Variants in GALNTL6 observed in about 807,000 individuals in gnomAD.
GALNTL6 encodes the protein polypeptide N-acetylgalactosaminyltransferase like 6.
A neutral mutation model predicts 73.7 loss-of-function variants in GALNTL6; 46 were observed. The observed-to-expected ratio is 0.62, with a 90% CI of 0.49 to 0.80. The LOEUF (loss-of-function observed/expected upper bound fraction) is 0.80. Among genes scored for constraint, GALNTL6 ranks in the 30% least tolerant of loss-of-function variants. The pLI is 0.00. For synonymous variants in GALNTL6, 259 were observed against 263.7 expected (o/e 0.98, Z 0.17); for missense variants, 604 against 755.0 (o/e 0.80, Z 2.34).
At chr4:172,204,240 T>C (rs1267372604) in intron 2 of GALNTL6, among the ~76,000 whole-genome samples, 2 of 152,214 alleles carry the variant, frequency 1.3e-5, no homozygotes, top group Admixed American at 1.3e-4. Context: ...CCAAAATACA[T>C]TTATATATGA....
At chr4:172,375,420 G>T (rs1369081697) in intron 5 of GALNTL6, among the ~76,000 whole-genome samples, 1 of 152,154 alleles carries the variant, frequency 6.6e-6, no homozygotes, top group Admixed American at 6.5e-5. Context: ...AATAGCTTTG[G>T]ATGCATTTCA....
At chr4:172,157,504 T>TTTC (rs1220234910) in intron 2 of GALNTL6, among the ~76,000 whole-genome samples, 3 of 152,162 alleles carry the variant, frequency 2.0e-5, no homozygotes, top group African/African-American at 7.2e-5. Flanking sequence ...TGTCATGGTG[T>TTTC]GCTGAAGAGT....
intron 2 of GALNTL6, among the ~76,000 whole-genome samples, chr4:171,936,355 T>C (rs1355479569): frequency 6.6e-6 from 1 of 151,254 alleles, no homozygotes; most frequent in African/African-American, 2.4e-5. Context: ...CTAGAAGCTA[T>C]TTTTTTTTCT....
chr4:171,824,526 G>A (rs1196689058), intron 2 of GALNTL6, among the ~76,000 whole-genome samples: 3 of 152,034 alleles, frequency 2.0e-5, no homozygotes, highest in Non-Finnish European at 4.4e-5. Flanking sequence ...GATTGAACAT[G>A]ATAAGCAATT....
At chr4:172,071,771 G>T (rs1210768484) in intron 2 of GALNTL6, among the ~76,000 whole-genome samples, 1 of 41,268 alleles carries the variant, frequency 2.4e-5, no homozygotes, top group Non-Finnish European at 5.9e-5. Context: ...CGGAAGAGTG[G>T]GAAAGCTTTA....
Position 172,802,640 on chromosome 4 carries a change from A to G in GALNTL6, c.554-6721A>G, listed in dbSNP as rs1740713365. On this transcript the variant is annotated intron_variant, in intron 5 of 12. Transcript: ENST00000506823. Reference sequence around the variant, plus strand: ...TTGAAACCCCATCTCTACTAAAAATAAAATAAAATAAAATTAGCCAGGCAT... The same window carrying G: ...TTGAAACCCCATCTCTACTAAAAATGAAATAAAATAAAATTAGCCAGGCAT... Among the ~76,000 whole-genome samples the G allele has an allele frequency of 2.0e-5, 3 of 152,232 alleles. No individual in the cohort carries two copies. In the South Asian group the frequency reaches 6.2e-4, roughly 32 times the overall value.
At chr4:171,955,089 A>G (rs1415189144) in intron 2 of GALNTL6, among the ~76,000 whole-genome samples, 1 of 152,176 alleles carries the variant, frequency 6.6e-6, no homozygotes, top group Non-Finnish European at 1.5e-5. Flanking sequence ...TTACTTAATG[A>G]TGTAAACAAC....
chr4:172,410,495 G>C (rs914278604), intron 5 of GALNTL6, among the ~76,000 whole-genome samples: 6 of 151,986 alleles, frequency 3.9e-5, no homozygotes, highest in African/African-American at 1.2e-4. Context: ...CTGCATTGCA[G>C]GGAGATTTAG....
intron 8 of GALNTL6, among the ~76,000 whole-genome samples, chr4:172,916,989 T>A (rs1000176335): frequency 1.3e-5 from 2 of 152,146 alleles, no homozygotes; most frequent in African/African-American, 4.8e-5. Flanking sequence ...ACTACCTGAC[T>A]TCAAACTATA....
At chr4:172,478,967 A>G (rs1733341652) in intron 5 of GALNTL6, among the ~76,000 whole-genome samples, 1 of 152,224 alleles carries the variant, frequency 6.6e-6, no homozygotes, top group African/African-American at 2.4e-5. Context: ...GTGAGATACC[A>G]CCTTACCCTA....
chr4:172,016,546 T>C (rs774421182), intron 2 of GALNTL6, among the ~76,000 whole-genome samples: 1 of 152,068 alleles, frequency 6.6e-6, no homozygotes, highest in Non-Finnish European at 1.5e-5. Context: ...TACTAATCAA[T>C]AACCTTCTGA....
intron 2 of GALNTL6, 31 bp downstream of exon 2, chr4:171,814,749 G>GGATT: frequency 6.2e-7 from 1 of 1,609,702 alleles, no homozygotes; most frequent in Non-Finnish European, 8.5e-7. Context: ...GATCACACAA[G>GGATT]GATTGGTAAG....
chr4:172,452,094 C>A (rs1732234442), intron 5 of GALNTL6, among the ~76,000 whole-genome samples: 1 of 151,960 alleles, frequency 6.6e-6, no homozygotes, highest in South Asian at 2.1e-4. Context: ...CAGAGTATTC[C>A]AGAATGAAAC....
At chr4:172,851,177 A>G (rs1396245691) in intron 7 of GALNTL6, among the ~76,000 whole-genome samples, 2 of 152,124 alleles carry the variant, frequency 1.3e-5, no homozygotes, top group African/African-American at 4.8e-5. Context: ...GGAATCTACT[A>G]TCACCCATGA....
At chr4:172,525,527 A>G (rs1734921398) in intron 5 of GALNTL6, among the ~76,000 whole-genome samples, 1 of 152,082 alleles carries the variant, frequency 6.6e-6, no homozygotes, top group Non-Finnish European at 1.5e-5. Flanking sequence ...ATGAATTTTT[A>G]TATATTGAGC....
rs144546063 is a variant in GALNTL6 at position 171,998,731 on chromosome 4, C to G, written c.138+184013C>G. Among the ~76,000 whole-genome samples, 303 of 152,244 alleles carry G rather than the reference C, an allele frequency of 2.0e-3. 2 individuals carry two copies. The highest frequency in any genetic ancestry group is 0.01 in the Middle Eastern group (3 of 294). On this transcript the variant is annotated intron_variant, in intron 2 of 12. Coordinates refer to ENST00000506823, the MANE Select transcript of GALNTL6 (RefSeq NM_001034845.3). ...ATGCCTGCTAAAACGCTTTTAACCA[C>G]AAGTTAGAAAAACAAACACATAACC...
intron 2 of GALNTL6, among the ~76,000 whole-genome samples, chr4:171,971,354 G>C (rs946388861): frequency 3.3e-5 from 5 of 152,178 alleles, no homozygotes; most frequent in Admixed American, 2.6e-4. Context: ...AGGTTCCAAA[G>C]ACTTGGAGAA....
intron 5 of GALNTL6, among the ~76,000 whole-genome samples, chr4:172,448,581 T>A (rs1732106324): frequency 6.6e-6 from 1 of 152,178 alleles, no homozygotes; most frequent in East Asian, 1.9e-4. Context: ...GAAACCAACA[T>A]CCACACAGTC....
intron 2 of GALNTL6, among the ~76,000 whole-genome samples, chr4:172,181,035 A>G (rs924018887): frequency 6.6e-6 from 1 of 152,194 alleles, no homozygotes; most frequent in Non-Finnish European, 1.5e-5. Context: ...CACTGAATCT[A>G]TAAATTACTT....
Sources: allele counts gnomAD v4.1 joint callset (sites outside exome capture counted in the v4.1 genomes callset), GRCh38; gene constraint gnomAD v4.1.1; transcripts MANE v1.5; gene names NCBI Gene and HGNC (gene_info 2026-07-23, HGNC 2026-07-21).